Variants in HNF1B observed in about 807,000 individuals in gnomAD.
HNF1B encodes HNF1 homeobox B, also known as hepatocyte nuclear factor 1-beta.
A neutral mutation model predicts 61.7 loss-of-function variants in HNF1B; 8 were observed. The observed-to-expected ratio is 0.13, with a 90% CI of 0.08 to 0.23. The LOEUF is 0.23. HNF1B is among the 10% of genes least tolerant of loss of function. HNF1B has a pLI of 1.00. For missense variants in HNF1B, 562 were observed against 714.5 expected (o/e 0.79, Z 2.43); for synonymous variants, 314 against 287.7 (o/e 1.09, Z -0.93).
Position 37,687,141 on chromosome 17 carries a change from C to T in HNF1B, c.*231G>A. 1 of 674,584 alleles carries T rather than the reference C, an allele frequency of 1.5e-6. No individual in the cohort carries two copies. Among genetic ancestry groups the T allele is most frequent in the Non-Finnish European group, 2.7e-6 (1 of 377,150 alleles). 41.8% of individuals were successfully genotyped at this position (674,584 alleles called of 1,614,324 possible). On this transcript the variant is annotated 3_prime_UTR_variant, in exon 9 of 9. Coordinates refer to ENST00000617811, the MANE Select transcript of HNF1B (RefSeq NM_000458.4). ...CTCCAGGACAGACAGGAGTCCTTGA[C>T]ATCGTGGGAGAGGCATTGTGGCAAT...
chr17:37,739,900 C>A (rs1174429459), intron 1 of HNF1B, among the ~76,000 whole-genome samples: 1 of 152,046 alleles, frequency 6.6e-6, no homozygotes, highest in Non-Finnish European at 1.5e-5. Flanking sequence ...AAAAAAGCAC[C>A]ACCACCACTC....
In HNF1B at chr17:37,716,842, A is replaced by ATCTCTCTCTCTCTC. The variant is rs55634127; in HGVS notation, c.1046-6193_1046-6180dup. Among the ~76,000 whole-genome samples, 69 of 131,284 alleles carry ATCTCTCTCTCTCTC rather than the reference A, an allele frequency of 5.3e-4. 1 individual carries two copies. The highest frequency in any genetic ancestry group is 1.5e-3 in the African/African-American group (55 of 35,632). The allele number at this position is 131,284 out of a possible 152,430, so 86.1% of individuals were successfully genotyped here. ...GCACCAGCCTCTAGACACTTTAACAATCTCTCTCTCTCTCTCTCTCTCTCT... is the reference window on the plus strand; with the variant it reads ...GCACCAGCCTCTAGACACTTTAACAATCTCTCTCTCTCTCTCTCTCTCTCTCTCTCTCTCTCTCT... On this transcript the variant is annotated intron_variant, in intron 4 of 8. Coordinates refer to ENST00000617811, the MANE Select transcript of HNF1B (RefSeq NM_000458.4).
At chr17:37,712,688 T>G (rs1011125210) in intron 4 of HNF1B, among the ~76,000 whole-genome samples, 2 of 152,322 alleles carry the variant, frequency 1.3e-5, no homozygotes, top group African/African-American at 4.8e-5. Context: ...CTGATGCTGC[T>G]CTTAATAGAT....
At chr17:37,690,887 T>C (rs2032179041) in intron 8 of HNF1B, among the ~76,000 whole-genome samples, 1 of 152,198 alleles carries the variant, frequency 6.6e-6, no homozygotes, top group East Asian at 1.9e-4. Flanking sequence ...GTACACAGAA[T>C]TACAGGAACC....
intron 4 of HNF1B, among the ~76,000 whole-genome samples, chr17:37,721,347 A>C (rs2033307852): frequency 6.6e-6 from 1 of 152,176 alleles, no homozygotes. Context: ...AAGGAGAGAG[A>C]GACAATGATG....
chr17:37,692,228 T>G (rs2032229036), intron 8 of HNF1B, among the ~76,000 whole-genome samples: 1 of 152,206 alleles, frequency 6.6e-6, no homozygotes, highest in Admixed American at 6.5e-5. Flanking sequence ...CCAAGGCCCT[T>G]GGGGCATGTC....
intron 2 of HNF1B, among the ~76,000 whole-genome samples, chr17:37,737,859 AAAT>A (rs892561299): frequency 2.0e-5 from 3 of 152,106 alleles, no homozygotes; most frequent in Non-Finnish European, 4.4e-5. Context: ...ATAAATAAAT[AAAT>A]AAAACAAAAA....
intron 4 of HNF1B, among the ~76,000 whole-genome samples, chr17:37,715,092 C>T (rs1296796534): frequency 2.6e-5 from 4 of 152,100 alleles, no homozygotes; most frequent in East Asian, 3.9e-4. Flanking sequence ...TGTCACATGT[C>T]GCCCCCCTGT....
chr17:37,715,011 C>T (rs962471714), intron 4 of HNF1B, among the ~76,000 whole-genome samples: 1 of 152,074 alleles, frequency 6.6e-6, no homozygotes, highest in African/African-American at 2.4e-5. Flanking sequence ...AATCTTAATG[C>T]ACTTCTCAAA....
intron 1 of HNF1B, among the ~76,000 whole-genome samples, chr17:37,740,025 C>A (rs550917628): frequency 6.6e-6 from 1 of 152,072 alleles, no homozygotes; most frequent in Non-Finnish European, 1.5e-5. Flanking sequence ...TGGAGTGCAA[C>A]GGCATCTTGG....
At chr17:37,712,424 C>T (rs2032965596) in intron 4 of HNF1B, among the ~76,000 whole-genome samples, 1 of 150,044 alleles carries the variant, frequency 6.7e-6, no homozygotes, top group Non-Finnish European at 1.5e-5. Flanking sequence ...CCATCGATGC[C>T]ATCCCATTGG....
chr17:37,740,260 C>T (rs1228801253), intron 1 of HNF1B, among the ~76,000 whole-genome samples: 3 of 152,260 alleles, frequency 2.0e-5, no homozygotes, highest in South Asian at 2.1e-4. Context: ...TGAGCCACCG[C>T]GCCTGGCCAT....
chr17:37,737,023 C>T (rs1477907315), intron 2 of HNF1B, among the ~76,000 whole-genome samples: 1 of 152,200 alleles, frequency 6.6e-6, no homozygotes, highest in East Asian at 1.9e-4. Context: ...TCTTTATAGG[C>T]TTGGGGGCTG....
intron 3 of HNF1B, 32 bp from the exon 4 acceptor site, chr17:37,731,862 AGGGGGGGC>A: frequency 7.3e-6 from 3 of 410,566 alleles, no homozygotes; most frequent in Non-Finnish European, 1.3e-5. Flanking sequence ...ATGGTGAGTG[AGGGGGGGC>A]GGGGGGACTT....
chr17:37,709,692 C>CACG (rs1447515235), intron 5 of HNF1B, among the ~76,000 whole-genome samples: 17 of 152,182 alleles, frequency 1.1e-4, no homozygotes, highest in Non-Finnish European at 1.6e-4. Context: ...TTGACATTTA[C>CACG]ACGACAACAA....
intron 4 of HNF1B, among the ~76,000 whole-genome samples, chr17:37,716,507 T>C (rs1342812385): frequency 6.6e-6 from 1 of 152,176 alleles, no homozygotes; most frequent in Non-Finnish European, 1.5e-5. Context: ...CCTCAAGTGT[T>C]GTGTTTTTAA....
intron 8 of HNF1B, among the ~76,000 whole-genome samples, chr17:37,696,084 G>A (rs980433633): frequency 1.3e-5 from 2 of 152,124 alleles, no homozygotes; most frequent in African/African-American, 4.8e-5. Context: ...CTCAGTGGGA[G>A]GTAATGGATC....
At chr17:37,730,711 G>A (rs45558533) in intron 4 of HNF1B, 8,336 of 152,372 alleles carry the variant, frequency 0.055, 315 homozygotes, top group Middle Eastern at 0.13. Context: ...CTTTCCTTTC[G>A]CAAGCCCTTT....
At chr17:37,741,495 G>T (rs190087310) in intron 1 of HNF1B, among the ~76,000 whole-genome samples, 15 of 152,308 alleles carry the variant, frequency 9.8e-5, no homozygotes, top group African/African-American at 3.6e-4. Flanking sequence ...CAAACGTGGA[G>T]AATTCACATT....
Sources: allele counts gnomAD v4.1 joint callset (sites outside exome capture counted in the v4.1 genomes callset), GRCh38; gene constraint gnomAD v4.1.1; transcripts MANE v1.5; gene names NCBI Gene and HGNC (gene_info 2026-07-23, HGNC 2026-07-21).